Variants in FREM1 observed in about 807,000 individuals in gnomAD.
The protein encoded by FREM1 is FRAS1-related extracellular matrix protein 1.
Under a neutral mutation model 210.1 loss-of-function variants are expected in FREM1, and 220 were observed. The observed-to-expected ratio is 1.05, with a 90% CI of 0.94 to 1.17. The LOEUF (loss-of-function observed/expected upper bound fraction) is 1.17, where lower values mean the gene tolerates loss of function less well. FREM1 is among the 50% of genes most tolerant of loss of function. FREM1 has a pLI of 0.00. For synonymous variants in FREM1, 1,189 were observed against 980.2 expected (o/e 1.21, Z -3.98); for missense variants, 3,454 against 2,675.5 (o/e 1.29, Z -6.42).
chr9:14,781,261 C>T lies in FREM1; in HGVS notation c.4442+3109G>A, dbSNP rs373999146. Among the ~76,000 whole-genome samples the T allele has an allele frequency of 1.2e-4, 19 of 152,264 alleles. 1 individual carries two copies. Among genetic ancestry groups the T allele is most frequent in the Admixed American group, 3.3e-4 (5 of 15,296 alleles). ...AGAAAAATAACATATAAAAAAAGTC[C>T]AGGACATTCTCTGGTGCATTGCAGG... On this transcript the variant is annotated intron_variant, in intron 24 of 36. Transcript: ENST00000380880.
At position 14,861,225 on chromosome 9, in the gene FREM1, A is replaced by G. The variant is rs1169357341; in HGVS notation, c.330-1741T>C. The stretch of plus-strand genomic sequence containing the variant: ...TACACACATATACATATATACACAT[A>G]TATACACATATATACACACATATAT... On this transcript the variant is annotated intron_variant, in intron 3 of 36. Coordinates refer to ENST00000380880, the MANE Select transcript of FREM1 (RefSeq NM_001379081.2). 1.9e-5 allele frequency among the ~76,000 whole-genome samples: 2 copies of G among 104,888 alleles called. 1 individual carries two copies. 68.8% of individuals were successfully genotyped at this position (104,888 alleles called of 152,430 possible). A position where few individuals can be genotyped will look rare whatever the true frequency, so the allele number is the denominator to read the frequency against.
intron 13 of FREM1, among the ~76,000 whole-genome samples, chr9:14,820,437 G>A (rs760299173): frequency 5.9e-5 from 9 of 152,160 alleles, no homozygotes; most frequent in Non-Finnish European, 1.2e-4. Context: ...ACTCTTCTCA[G>A]AGCAGCTGCT....
intron 10 of FREM1, among the ~76,000 whole-genome samples, chr9:14,829,465 A>C (rs1823128565): frequency 6.6e-6 from 1 of 152,140 alleles, no homozygotes; most frequent in Non-Finnish European, 1.5e-5. Context: ...AAACTTCATC[A>C]CCAATGCAAC....
intron 19 of FREM1, among the ~76,000 whole-genome samples, chr9:14,802,721 A>G (rs972501606): frequency 6.6e-6 from 1 of 152,222 alleles, no homozygotes; most frequent in Admixed American, 6.5e-5. Flanking sequence ...CTAAATAATA[A>G]GAGTATATAA....
At position 14,872,876 on chromosome 9, in the gene FREM1, G is replaced by A. The variant is rs866594492; in HGVS notation, c.-267-3632C>T. ...CTAATTTATTGAGAGTTTTTAGCAT[G>A]AAGGGCTGTTGAATTTTGTCAAAGG... On this transcript the variant is annotated intron_variant, in intron 1 of 36. Coordinates refer to ENST00000380880, the MANE Select transcript of FREM1 (RefSeq NM_001379081.2). 7.3e-3 allele frequency among the ~76,000 whole-genome samples: 1,114 copies of A among 152,060 alleles called. 18 individuals carry two copies. Among genetic ancestry groups the A allele is most frequent in the African/African-American group, 0.024 (1,004 of 41,448 alleles).
intron 35 of FREM1, among the ~76,000 whole-genome samples, chr9:14,742,186 T>C (rs1177547811): frequency 1.7e-4 from 26 of 152,278 alleles, no homozygotes; most frequent in East Asian, 1.9e-4. Flanking sequence ...TACACAAATA[T>C]TTGTAGTATA....
rs1845145912 is a variant in FREM1 at position 14,759,802 on chromosome 9, A to C, written c.5304T>G (p.Tyr1768Ter). 4 of 1,612,128 alleles carry C rather than the reference A, an allele frequency of 2.5e-6. No individual in the cohort carries two copies. The highest frequency in any genetic ancestry group is 1.3e-5 in the African/African-American group (1 of 74,908). The change falls in exon 28 of 37, where the codon TAT (tyrosine) becomes TAG (stop). Residue 1768 changes from tyrosine (Y) to a stop codon, truncating the protein, a stop_gained. Transcript: ENST00000380880. LOFTEE classifies it high-confidence loss of function. The stretch of plus-strand genomic sequence containing the variant: ...TACCCACAAAGGCCGAGTCCATGGA[A>C]TATCCCCTTCTGATAATTTCCAAGG... ...LLPLEIIRRG[Y>*]SMDSAFVGIK... is the part of the protein sequence containing the mutation.
intron 3 of FREM1, 21 bp downstream of exon 3, chr9:14,863,788 C>T (rs200638363): frequency 7.5e-6 from 11 of 1,474,184 alleles, no homozygotes; most frequent in African/African-American, 1.4e-5. Context: ...AGCAAATGAG[C>T]GATGTTCCCG....
intron 24 of FREM1, among the ~76,000 whole-genome samples, chr9:14,778,562 C>T (rs1849028072): frequency 7.2e-6 from 1 of 138,696 alleles, no homozygotes; most frequent in Non-Finnish European, 1.5e-5. Context: ...GAGCCATGAA[C>T]GTGCCACCGC....
Position 14,868,904 on chromosome 9 carries a change from A to G in FREM1, c.74T>C (p.Phe25Ser). ...CCTCACCCCGCGGTTGATGCTGATGAAGGTGGGGCTGGCCCAGGCCAGGAG... is the reference window on the plus strand; with the variant it reads ...CCTCACCCCGCGGTTGATGCTGATGGAGGTGGGGCTGGCCCAGGCCAGGAG... ...LLLLAWASPTFISINRGVRVM... is the reference protein window; with the variant it reads ...LLLLAWASPTSISINRGVRVM... Residue 25 changes from phenylalanine (F) to serine (S), a missense_variant, in exon 2 of 37, where the codon TTC (phenylalanine) becomes TCC (serine). Phe to Ser is a radical substitution (Grantham distance 155). Transcript: ENST00000380880. 1 of 1,606,334 alleles carries G rather than the reference A, an allele frequency of 6.2e-7. No homozygotes were observed. The highest frequency in any genetic ancestry group is 8.5e-7 in the Non-Finnish European group (1 of 1,176,750).
chr9:14,824,638 T>C (rs1476735011), intron 11 of FREM1, among the ~76,000 whole-genome samples, 158 bp downstream of exon 11: 1 of 152,184 alleles, frequency 6.6e-6, no homozygotes, highest in Non-Finnish European at 1.5e-5. Context: ...GATAGGAAGT[T>C]GTTTGAGAAA....
intron 1 of FREM1, among the ~76,000 whole-genome samples, chr9:14,874,255 T>C (rs987191250): frequency 1.3e-5 from 2 of 152,088 alleles, no homozygotes; most frequent in African/African-American, 2.4e-5. Context: ...CTGTCTAATG[T>C]TGACAGTGGG....
chr9:14,809,972 T>C (rs1468383882), intron 16 of FREM1, among the ~76,000 whole-genome samples: 1 of 152,138 alleles, frequency 6.6e-6, no homozygotes, highest in Non-Finnish European at 1.5e-5. Flanking sequence ...TAAATGGCAA[T>C]TTTATGTATT....
rs1049723157 is a variant in FREM1, at chr9:14,851,193, T to G, written c.1152+91A>C. 31 of 887,360 alleles carry G rather than the reference T, an allele frequency of 3.5e-5. No individual in the cohort carries two copies. In the Middle Eastern group the frequency reaches 1.6e-3, roughly 47 times the overall value. 55.0% of individuals were successfully genotyped at this position (887,360 alleles called of 1,614,324 possible). On this transcript the variant is annotated intron_variant, in intron 6 of 36. Transcript: ENST00000380880. ...ATTGATTCTTTTCTGAGGCAATGAA[T>G]GTACAAAGGAACCTGAGGGTTTAGG...
Position 14,788,932 on chromosome 9 carries a change from C to T in FREM1, c.4164G>A (p.Lys1388=). The T allele has an allele frequency of 6.2e-7, 1 of 1,611,900 alleles. No individual in the cohort carries two copies. Among genetic ancestry groups the T allele is most frequent in the Non-Finnish European group, 8.5e-7 (1 of 1,179,008 alleles). ...SPALDCQITI[K]DMEKGDIVIL... Reference sequence around the variant, plus strand: ...ACGTGCTTTTACCTTTTTCCATGTCCTTGATGGTGATTTGACAGTCAAGAG... The same window carrying T: ...ACGTGCTTTTACCTTTTTCCATGTCTTTGATGGTGATTTGACAGTCAAGAG... Residue 1388 remains lysine (K), a synonymous_variant, in exon 23 of 37, where the codon AAG becomes AAA. Coordinates refer to ENST00000380880, the MANE Select transcript of FREM1 (RefSeq NM_001379081.2).
chr9:14,769,575 A>C, intron 27 of FREM1, 149 bp downstream of exon 27: 1 of 838,740 alleles, frequency 1.2e-6, no homozygotes, highest in Non-Finnish European at 1.8e-6. Flanking sequence ...AAGAAAATTC[A>C]TTCTCCAAAA....
At chr9:14,908,248 A>G (rs1240085336) in intron 1 of FREM1, among the ~76,000 whole-genome samples, 1 of 152,166 alleles carries the variant, frequency 6.6e-6, no homozygotes, top group African/African-American at 2.4e-5. Context: ...TCCCTGTGGG[A>G]TGGTCCAATC....
At position 14,859,231 on chromosome 9, in the gene FREM1, G is replaced by C. The variant is rs779106239; in HGVS notation, c.583C>G (p.Pro195Ala). Residue 195 changes from proline (P) to alanine (A), a missense_variant, in exon 4 of 37, where the codon CCA becomes GCA. By Grantham distance (27) the Pro-to-Ala change is conservative. Transcript: ENST00000380880. Reference sequence around the variant, plus strand: ...GGCTGATCTCCACGAGGTTCTTCTGGTCGAGGCTCCCCGAGAACCATCTGG... The same window carrying C: ...GGCTGATCTCCACGAGGTTCTTCTGCTCGAGGCTCCCCGAGAACCATCTGG... ...HGQMVLGEPR[P>A]EEPRGDQPHS... 1 of 1,609,574 alleles carries C rather than the reference G, an allele frequency of 6.2e-7. No homozygotes were observed.
chr9:14,783,381 T>G (rs1322461575), intron 24 of FREM1, among the ~76,000 whole-genome samples: 1 of 152,212 alleles, frequency 6.6e-6, no homozygotes, highest in African/African-American at 2.4e-5. Context: ...GCTCCATTTA[T>G]GTTATTTTAT....
Sources: allele counts gnomAD v4.1 joint callset (sites outside exome capture counted in the v4.1 genomes callset), GRCh38; gene constraint gnomAD v4.1.1; transcripts MANE v1.5; gene names NCBI Gene and HGNC (gene_info 2026-07-23, HGNC 2026-07-21).